The following RIMS2 variants were observed in gnomAD, a reference collection of about 807,000 sequenced individuals.
The protein encoded by RIMS2 is regulating synaptic membrane exocytosis 2.
In RIMS2, 59 loss-of-function variants were observed where a neutral mutation model predicts 174.4. The ratio of observed to expected loss-of-function variants is 0.34; its 90% CI spans 0.27 to 0.42. The LOEUF (loss-of-function observed/expected upper bound fraction) is 0.42. Among genes scored for constraint, RIMS2 ranks in the 10% least tolerant of loss-of-function variants. The pLI is 1.00. For missense variants in RIMS2, 1,620 were observed against 1,666.3 expected (o/e 0.97, Z 0.48); for synonymous variants, 606 against 572.5 (o/e 1.06, Z -0.84).
At chr8:103,693,872 A>C (rs1308366661) in intron 1 of RIMS2, among the ~76,000 whole-genome samples, 1 of 152,130 alleles carries the variant, frequency 6.6e-6, no homozygotes, top group Non-Finnish European at 1.5e-5. Context: ...CTGACCTGGC[A>C]TTGAAGTTGG....
chr8:103,911,028 G>A (rs964491445), intron 5 of RIMS2, among the ~76,000 whole-genome samples: 4 of 152,046 alleles, frequency 2.6e-5, no homozygotes, highest in African/African-American at 9.7e-5. Context: ...TATTGTCATA[G>A]CATTTTAATG....
intron 19 of RIMS2, among the ~76,000 whole-genome samples, chr8:104,214,075 A>T (rs950562142): frequency 1.3e-5 from 2 of 152,162 alleles, no homozygotes; most frequent in African/African-American, 2.4e-5. Context: ...ATGTTATTCC[A>T]TTAGAAAGTT....
At chr8:103,725,996 A>C (rs936504931) in intron 2 of RIMS2, among the ~76,000 whole-genome samples, 7 of 152,050 alleles carry the variant, frequency 4.6e-5, no homozygotes, top group African/African-American at 1.7e-4. Flanking sequence ...TGCCTATTTT[A>C]AATTTGGGTT....
intron 1 of RIMS2, among the ~76,000 whole-genome samples, chr8:103,635,375 G>A (rs1398239890): frequency 1.3e-5 from 2 of 152,234 alleles, no homozygotes; most frequent in African/African-American, 4.8e-5. Flanking sequence ...CCATAGCTCT[G>A]GTGGGGTGTG....
At chr8:103,693,475 G>T (rs747955011) in intron 1 of RIMS2, among the ~76,000 whole-genome samples, 3 of 152,096 alleles carry the variant, frequency 2.0e-5, no homozygotes, top group Admixed American at 2.0e-4. Context: ...ATTCTTCCTC[G>T]CTGGAAATGA....
intron 3 of RIMS2, among the ~76,000 whole-genome samples, chr8:103,788,564 C>T (rs2098465863): frequency 6.6e-6 from 1 of 151,742 alleles, no homozygotes; most frequent in Non-Finnish European, 1.5e-5. Flanking sequence ...CTGGGGGGTG[C>T]CTCCCAGTTA....
chr8:104,044,127 C>G (rs909900346), intron 19 of RIMS2, among the ~76,000 whole-genome samples: 6 of 151,206 alleles, frequency 4.0e-5, no homozygotes, highest in Non-Finnish European at 7.4e-5. Flanking sequence ...ATTCATGATA[C>G]GAAAGGAAAT....
At chr8:103,791,419 A>C (rs1353094188) in intron 3 of RIMS2, among the ~76,000 whole-genome samples, 6 of 152,202 alleles carry the variant, frequency 3.9e-5, no homozygotes. Context: ...TCCTGAAGGA[A>C]GCACTAAACA....
At chr8:103,758,768 T>C (rs932522637) in intron 2 of RIMS2, among the ~76,000 whole-genome samples, 1 of 152,192 alleles carries the variant, frequency 6.6e-6, no homozygotes, top group Non-Finnish European at 1.5e-5. Context: ...AGAAGAAAGG[T>C]TAAAAGTTTA....
intron 3 of RIMS2, among the ~76,000 whole-genome samples, chr8:103,834,742 T>TTCTTTCTTTCTTTCTTTCTTTCTC (rs1406395709): frequency 2.7e-5 from 3 of 109,528 alleles, no homozygotes; most frequent in Non-Finnish European, 5.4e-5. Context: ...CTTTCTTTCT[T>TTCTTTCTTTCTTTCTTTCTTTCTC]TCTCTCTCTT....
intron 3 of RIMS2, among the ~76,000 whole-genome samples, chr8:103,811,715 G>C (rs1179760848): frequency 4.6e-5 from 7 of 152,232 alleles, no homozygotes; most frequent in Non-Finnish European, 1.0e-4. Context: ...CAGAGTTCTA[G>C]GATTACAGGC....
At chr8:103,916,974 C>A (rs1194997422) in intron 8 of RIMS2, among the ~76,000 whole-genome samples, 3 of 152,132 alleles carry the variant, frequency 2.0e-5, no homozygotes, top group Non-Finnish European at 2.9e-5. Context: ...ACAAGGTAGA[C>A]AAACAGACCA....
intron 1 of RIMS2, among the ~76,000 whole-genome samples, chr8:103,508,452 T>C (rs76437576): frequency 8.1e-5 from 4 of 49,124 alleles, no homozygotes; most frequent in African/African-American, 2.1e-4. Context: ...AAACCTTTCA[T>C]TTGTTAAAAA....
intron 15 of RIMS2, among the ~76,000 whole-genome samples, chr8:103,967,177 T>G (rs998713433): frequency 1.6e-5 from 2 of 122,496 alleles, no homozygotes; most frequent in African/African-American, 3.4e-5. Context: ...CTTGTTTTTT[T>G]TTTTTTTTTT....
At chr8:103,643,096 T>G (rs1031140674) in intron 1 of RIMS2, among the ~76,000 whole-genome samples, 1 of 152,066 alleles carries the variant, frequency 6.6e-6, no homozygotes, top group African/African-American at 2.4e-5. Flanking sequence ...TCCATCTTTT[T>G]CACTCTTTTG....
chr8:104,105,955 G>T (rs945554595), intron 19 of RIMS2, among the ~76,000 whole-genome samples: 5 of 138,502 alleles, frequency 3.6e-5, no homozygotes, highest in Non-Finnish European at 6.1e-5. Context: ...CAGGAGAATC[G>T]CTTGAACTGG....
At chr8:104,007,723 G>A (rs192336082) in intron 17 of RIMS2, among the ~76,000 whole-genome samples, 52 of 152,158 alleles carry the variant, frequency 3.4e-4, no homozygotes, top group Admixed American at 9.8e-4. Flanking sequence ...CTTTTTTTGT[G>A]TTTCCAATAA....
chr8:103,632,770 G>T lies in RIMS2; in HGVS notation c.177-64316G>T, dbSNP rs2095967723. ...TTTTTTTTTTTTGAGATGGAGTATCGCTCTGTAGCCCAGGCTGGAGTGGCG... is the reference window on the plus strand; with the variant it reads ...TTTTTTTTTTTTGAGATGGAGTATCTCTCTGTAGCCCAGGCTGGAGTGGCG... On this transcript the variant is annotated intron_variant, in intron 1 of 23. Coordinates refer to ENST00000504942, the Ensembl canonical transcript of RIMS2. Among the ~76,000 whole-genome samples, 9 of 106,332 alleles carry T rather than the reference G, an allele frequency of 8.5e-5. No individual in the cohort carries two copies. In the South Asian group the frequency reaches 2.2e-3, roughly 26 times the overall value. The allele number at this position is 106,332 out of a possible 152,430, so 69.8% of individuals were successfully genotyped here.
At chr8:103,721,653 A>G (rs1270275579) in intron 2 of RIMS2, among the ~76,000 whole-genome samples, 1 of 152,170 alleles carries the variant, frequency 6.6e-6, no homozygotes, top group African/African-American at 2.4e-5. Context: ...ACATTTTACT[A>G]CTTTTTTATC....
Sources: allele counts gnomAD v4.1 joint callset (sites outside exome capture counted in the v4.1 genomes callset), GRCh38; gene constraint gnomAD v4.1.1; transcripts MANE v1.5; gene names NCBI Gene and HGNC (gene_info 2026-07-23, HGNC 2026-07-21).